Variants in DISP3 observed in about 807,000 individuals in gnomAD.
DISP3 encodes protein dispatched homolog 3.
A neutral mutation model predicts 135.3 loss-of-function variants in DISP3; 101 were observed. That is an observed-to-expected ratio of 0.75 (90% CI 0.64 to 0.88). The LOEUF (loss-of-function observed/expected upper bound fraction) is 0.88. Among genes scored for constraint, DISP3 ranks in the 40% least tolerant of loss-of-function variants. The probability of loss-of-function intolerance (pLI) is 0.00; values close to 1 mark genes in which losing one functional copy is unlikely to be tolerated. For synonymous variants in DISP3, 856 were observed against 817.0 expected (o/e 1.05, Z -0.81); for missense variants, 1,713 against 1,878.6 (o/e 0.91, Z 1.63).
At chr1:11,522,384 C>T (rs926185227) in intron 10 of DISP3, among the ~76,000 whole-genome samples, 14 of 152,172 alleles carry the variant, frequency 9.2e-5, no homozygotes, top group African/African-American at 3.1e-4. Context: ...GAGCCCCTCA[C>T]ACTTCGGAGC....
At chr1:11,506,094 T>C (rs1188796510) in intron 3 of DISP3, among the ~76,000 whole-genome samples, 1 of 152,258 alleles carries the variant, frequency 6.6e-6, no homozygotes, top group African/African-American at 2.4e-5. Flanking sequence ...GTCTTCTGAC[T>C]TCCATCATTT....
intron 1 of DISP3, among the ~76,000 whole-genome samples, chr1:11,497,327 C>A (rs1216317774): frequency 6.6e-6 from 1 of 152,130 alleles, no homozygotes; most frequent in Non-Finnish European, 1.5e-5. Context: ...ACACTGCACC[C>A]TATTTGTAGT....
rs2100467030 is a variant in DISP3, at chr1:11,519,587, GT to G, written c.2038+85del. 6.3e-7 allele frequency: 1 copy of G among 1,579,614 alleles called. No individual in the cohort carries two copies. The highest frequency in any genetic ancestry group is 1.3e-5 in the African/African-American group (1 of 74,516). ...CAGGGGAGTAACACTTGACAAGTTG[GT>G]CCTGAGGCTGGGGGCCGGACAAGAT... On this transcript the variant is annotated intron_variant, in intron 8 of 20. Coordinates refer to ENST00000294484, the MANE Select transcript of DISP3 (RefSeq NM_020780.2). This position sits in a 1 kb window ranked among gnomAD's most constrained non-coding sequence, Gnocchi z 4.3.
intron 1 of DISP3, among the ~76,000 whole-genome samples, chr1:11,493,598 C>T (rs1234294190): frequency 1.3e-5 from 2 of 152,082 alleles, no homozygotes; most frequent in Non-Finnish European, 2.9e-5. Flanking sequence ...GTGGCATGCA[C>T]CTGTAATCCC....
intron 13 of DISP3, among the ~76,000 whole-genome samples, chr1:11,528,265 G>A (rs1290195010): frequency 6.6e-6 from 1 of 152,182 alleles, no homozygotes; most frequent in East Asian, 1.9e-4. Flanking sequence ...GTGTGAAGTC[G>A]GGTCCCTACT....
chr1:11,502,610 G>A (rs2100415032), intron 2 of DISP3, 68 bp from the exon 3 acceptor site: 1 of 1,277,106 alleles, frequency 7.8e-7, no homozygotes, highest in Non-Finnish European at 1.1e-6. Flanking sequence ...GAGACTGGAT[G>A]ACCTTGAGGG....
chr1:11,519,902 GC>G lies in DISP3; in HGVS notation c.2200+27del. The G allele has an allele frequency of 1.9e-6, 3 of 1,589,574 alleles. No individual in the cohort carries two copies. Among genetic ancestry groups the G allele is most frequent in the Non-Finnish European group, 8.6e-7 (1 of 1,167,678 alleles). ...GTGGGTAAGTGGGCCCTCCGGCCCT[GC>G]CCCCTGTCTCACAGCTCCACCCCCA... is the stretch of plus-strand genomic sequence containing the variant. On this transcript the variant is annotated intron_variant, in intron 9 of 20. Coordinates refer to ENST00000294484, the MANE Select transcript of DISP3 (RefSeq NM_020780.2). This position sits in a 1 kb window ranked among gnomAD's most constrained non-coding sequence, Gnocchi z 4.3.
chr1:11,491,187 G>C lies in DISP3; in HGVS notation c.-3-9803G>C, dbSNP rs1641172363. On this transcript the variant is annotated intron_variant, in intron 1 of 20. Transcript: ENST00000294484. The surrounding 1 kb of genome is among the most constrained non-coding windows in gnomAD (Gnocchi z 4.3). ...AGCCACGGTGGAGGGATGTGGGGAG[G>C]CCAAGGCTAAATCAGTTGCTGGAGG... 6.6e-6 allele frequency among the ~76,000 whole-genome samples: 1 copy of C among 152,212 alleles called. No homozygotes were observed. The highest frequency in any genetic ancestry group is 2.4e-5 in the African/African-American group (1 of 41,444).
Position 11,501,665 on chromosome 1 carries a change from C to G in DISP3, c.673C>G (p.Arg225Gly). Residue 225 changes from arginine to glycine, a missense_variant, in exon 2 of 21, where the codon CGG becomes GGG. Around this residue, in one of 2 missense-constraint regions of DISP3, gnomAD observed 571 missense variants for 494.1 expected, o/e 1.16. Transcript: ENST00000294484. The surrounding 1 kb of genome is among the most constrained non-coding windows in gnomAD (Gnocchi z 4.9). ...CCAGAGTGAAGACCCGCGAAACCAG[C>G]GGCTGAGCAAGAATGGGCGGTACCA... ...ANQSEDPRNQ[R>G]LSKNGRYQPS... 1.2e-6 allele frequency: 2 copies of G among 1,607,908 alleles called. No homozygotes were observed. The highest frequency in any genetic ancestry group is 1.7e-6 in the Non-Finnish European group (2 of 1,177,870).
chr1:11,504,730 T>G (rs539708670), intron 3 of DISP3, among the ~76,000 whole-genome samples: 1 of 152,320 alleles, frequency 6.6e-6, no homozygotes, highest in East Asian at 1.9e-4. Flanking sequence ...TTGACCTTCC[T>G]TCGTGTTATG....
At chr1:11,535,221 T>C in intron 19 of DISP3, 97 bp downstream of exon 19, 1 of 1,206,854 alleles carries the variant, frequency 8.3e-7, no homozygotes. Context: ...TCTGAACCTT[T>C]CACTGTCACA....
At position 11,529,644 on chromosome 1, in the gene DISP3, G is replaced by C; in HGVS notation, c.2887G>C (p.Asp963His). 1.2e-6 allele frequency: 2 copies of C among 1,609,200 alleles called. No individual in the cohort carries two copies. The highest frequency in any genetic ancestry group is 1.7e-6 in the Non-Finnish European group (2 of 1,176,232). ...PPGCLLSSSP[D>H]GPTKGFFFVP... Reference sequence around the variant, plus strand: ...TGGCTGCCTGCTTAGCTCCAGCCCCGATGGGCCTACCAAAGGCTTCTTCTT... The same window carrying C: ...TGGCTGCCTGCTTAGCTCCAGCCCCCATGGGCCTACCAAAGGCTTCTTCTT... The change falls in exon 14 of 21, where the codon GAT (aspartate) becomes CAT (histidine). Residue 963 changes from aspartate to histidine, a missense_variant. By Grantham distance (81) the Asp-to-His change is moderately conservative. This residue lies in a region of DISP3 where 1,142 missense variants were observed against 1,384.6 expected (regional missense o/e 0.82). Coordinates refer to ENST00000294484, the MANE Select transcript of DISP3 (RefSeq NM_020780.2). This position sits in a 1 kb window ranked among gnomAD's most constrained non-coding sequence, Gnocchi z 4.7.
At chr1:11,522,662 G>GCCCAGCCAGGGCCCAGCCAGGA (rs1642250704) in intron 10 of DISP3, among the ~76,000 whole-genome samples, 7 of 93,574 alleles carry the variant, frequency 7.5e-5, no homozygotes, top group South Asian at 3.6e-4. Context: ...CCCAGCCAGA[G>GCCCAGCCAGGGCCCAGCCAGGA]CCCAGCCAGG....
chr1:11,502,111 G>A, intron 2 of DISP3, 23 bp downstream of exon 2: 1 of 1,532,716 alleles, frequency 6.5e-7, no homozygotes, highest in Non-Finnish European at 8.8e-7. Flanking sequence ...GATGCTGGGA[G>A]GGGGCGTAGG....
intron 3 of DISP3, among the ~76,000 whole-genome samples, chr1:11,503,588 G>T (rs1180731287): frequency 6.6e-6 from 1 of 152,030 alleles, no homozygotes; most frequent in Non-Finnish European, 1.5e-5. Context: ...AGAGAGAGAG[G>T]AAATCACCTT....
rs1025902313 is a variant in DISP3 at position 11,499,449 on chromosome 1, G to C, written c.-3-1541G>C. 1.3e-5 allele frequency among the ~76,000 whole-genome samples: 2 copies of C among 152,104 alleles called. No individual in the cohort carries two copies. The highest frequency in any genetic ancestry group is 4.1e-4 in the South Asian group (2 of 4,820). ...GGTGAGTCTGAGCTGCCTCCAGTGC[G>C]AATACAAATCGGGACTCAGAGCAGT... On this transcript the variant is annotated intron_variant, in intron 1 of 20. Coordinates refer to ENST00000294484, the MANE Select transcript of DISP3 (RefSeq NM_020780.2). The surrounding 1 kb of genome is among the most constrained non-coding windows in gnomAD (Gnocchi z 5.2).
chr1:11,482,132 TC>T (rs1640920879), intron 1 of DISP3, among the ~76,000 whole-genome samples: 1 of 152,166 alleles, frequency 6.6e-6, no homozygotes, highest in Non-Finnish European at 1.5e-5. Flanking sequence ...TTCCCTCGTC[TC>T]CCCATCCTCC....
chr1:11,535,440 G>A (rs368199499), intron 19 of DISP3, 38 bp from the exon 20 acceptor site: 20 of 1,571,770 alleles, frequency 1.3e-5, no homozygotes, highest in Middle Eastern at 1.7e-4. Flanking sequence ...CCTCCAGGGC[G>A]GGGGATCCGA....
In DISP3 at chr1:11,536,282, C is replaced by A. The variant is rs768125633; in HGVS notation, c.3817-42C>A. On this transcript the variant is annotated intron_variant, in intron 20 of 20. Transcript: ENST00000294484. This position sits in a 1 kb window ranked among gnomAD's most constrained non-coding sequence, Gnocchi z 4.3. ...TTCCCCAGGTGCTGGCCAGAGGGGT[C>A]CCGCAGGCAGGCTGGGCTCCCAGCT... 3.8e-6 allele frequency: 6 copies of A among 1,568,968 alleles called. No homozygotes were observed. The South Asian group carries it at 5.9e-5, about 15-fold the overall frequency.
Sources: allele counts gnomAD v4.1 joint callset (sites outside exome capture counted in the v4.1 genomes callset), GRCh38; gene constraint gnomAD v4.1.1; regional missense constraint gnomAD v4.1.1; non-coding constraint Gnocchi (gnomAD v3.1); transcripts MANE v1.5; gene names NCBI Gene and HGNC (gene_info 2026-07-23, HGNC 2026-07-21).